SHISA9: variants seen among roughly 807,000 people sequenced by gnomAD.
SHISA9 encodes the protein shisa family member 9.
Under a neutral mutation model 38.0 loss-of-function variants are expected in SHISA9, and 13 were observed. That is an observed-to-expected ratio of 0.34 (90% CI 0.22 to 0.54). The LOEUF (loss-of-function observed/expected upper bound fraction) is 0.54, where lower values mean the gene tolerates loss of function less well. SHISA9 is among the 20% of genes least tolerant of loss of function. The pLI is 0.91. For synonymous variants in SHISA9, 275 were observed against 242.0 expected (o/e 1.14, Z -1.27); for missense variants, 538 against 575.8 (o/e 0.93, Z 0.67).
chr16:13,020,702 C>T (rs1413568991), intron 2 of SHISA9, among the ~76,000 whole-genome samples: 3 of 152,176 alleles, frequency 2.0e-5, no homozygotes, highest in Admixed American at 6.5e-5. Context: ...CTCGTCTCTG[C>T]GTATCCTTTG....
intron 1 of SHISA9, among the ~76,000 whole-genome samples, chr16:12,905,900 C>T (rs144296037): frequency 6.6e-6 from 1 of 152,174 alleles, no homozygotes; most frequent in Non-Finnish European, 1.5e-5. Context: ...TGTGCCTGAC[C>T]GTATTTGTAT....
At chr16:13,486,699 T>C in the SHISA9 span, among the ~76,000 whole-genome samples, 1 of 152,150 alleles carries the variant, frequency 6.6e-6, no homozygotes, top group Non-Finnish European at 1.5e-5. Context: ...TCTCTATACC[T>C]TCTTTCTCTT....
the SHISA9 span, among the ~76,000 whole-genome samples, chr16:13,431,644 T>C: frequency 6.6e-6 from 1 of 152,248 alleles, no homozygotes; most frequent in African/African-American, 2.4e-5. Flanking sequence ...TGGATTAATC[T>C]GAGAATCCAC....
the SHISA9 span, among the ~76,000 whole-genome samples, chr16:13,535,991 A>G: frequency 6.7e-6 from 1 of 149,484 alleles, no homozygotes; most frequent in Non-Finnish European, 1.5e-5. Context: ...GGGACTTTGC[A>G]TATTTTTTTC....
intron 2 of SHISA9, among the ~76,000 whole-genome samples, chr16:13,144,234 CCT>C (rs1258437678): frequency 6.6e-6 from 1 of 151,376 alleles, no homozygotes; most frequent in African/African-American, 2.4e-5. Context: ...CTCACTGCAA[CCT>C]CTGTCTCCTG....
chr16:13,477,057 A>T, the SHISA9 span, among the ~76,000 whole-genome samples: 1 of 151,796 alleles, frequency 6.6e-6, no homozygotes, highest in African/African-American at 2.4e-5. Flanking sequence ...TTTTCTTTTG[A>T]ACAATGTTCT....
At chr16:13,045,777 G>T (rs2073181146) in intron 2 of SHISA9, among the ~76,000 whole-genome samples, 2 of 151,970 alleles carry the variant, frequency 1.3e-5, no homozygotes, top group Non-Finnish European at 2.9e-5. Flanking sequence ...TCCCCCAGGG[G>T]GAGTCTGCAC....
intron 2 of SHISA9, among the ~76,000 whole-genome samples, chr16:13,134,444 T>C (rs2050330815): frequency 6.6e-6 from 1 of 151,882 alleles, no homozygotes; most frequent in Non-Finnish European, 1.5e-5. Context: ...CCCAGGCCAA[T>C]GGGGGAGAGA....
At chr16:13,371,815 A>G in the SHISA9 span, among the ~76,000 whole-genome samples, 2 of 152,150 alleles carry the variant, frequency 1.3e-5, no homozygotes, top group African/African-American at 4.8e-5. Flanking sequence ...CATTCAGGAA[A>G]ACTGTGACTC....
the SHISA9 span, among the ~76,000 whole-genome samples, chr16:13,442,985 C>G: frequency 6.6e-6 from 1 of 152,192 alleles, no homozygotes; most frequent in Non-Finnish European, 1.5e-5. Context: ...CTGTTTCCTA[C>G]TCTCCTTTAG....
rs190395118 is a variant in SHISA9 at position 13,181,730 on chromosome 16, C to A, written c.692-21664C>A. Among the ~76,000 whole-genome samples, 472 of 151,642 alleles carry A rather than the reference C, an allele frequency of 3.1e-3. 2 individuals carry two copies. The highest frequency in any genetic ancestry group is 5.3e-3 in the Non-Finnish European group (359 of 67,944). ...CTCAATAGGAGGTCCAGGTAGGAAA[C>A]AATGCTGGTTTCATCTAAAGAGGGG... On this transcript the variant is annotated intron_variant, in intron 2 of 4. Coordinates refer to ENST00000558583, the MANE Select transcript of SHISA9 (RefSeq NM_001145204.3).
intron 2 of SHISA9, among the ~76,000 whole-genome samples, chr16:13,185,457 G>C (rs1005911338): frequency 2.0e-5 from 3 of 152,124 alleles, no homozygotes; most frequent in Admixed American, 1.3e-4. Context: ...TCCCACCTCA[G>C]CCTCCCAAAG....
At chr16:13,123,158 T>C (rs1180247587) in intron 2 of SHISA9, among the ~76,000 whole-genome samples, 1 of 151,340 alleles carries the variant, frequency 6.6e-6, no homozygotes, top group Non-Finnish European at 1.5e-5. Flanking sequence ...GGATATCTAT[T>C]TGGGTCCAAA....
chr16:13,435,965 GT>G, the SHISA9 span, among the ~76,000 whole-genome samples: 11 of 152,292 alleles, frequency 7.2e-5, no homozygotes, highest in Non-Finnish European at 1.3e-4. Flanking sequence ...TAACTTGAGG[GT>G]GGAGTTTTGG....
intron 2 of SHISA9, among the ~76,000 whole-genome samples, chr16:12,945,587 G>T (rs143724964): frequency 6.6e-6 from 1 of 152,188 alleles, no homozygotes. Context: ...ACAAGAACAA[G>T]TTCTGGGTTC....
chr16:13,456,324 C>T, the SHISA9 span, among the ~76,000 whole-genome samples: 2 of 152,164 alleles, frequency 1.3e-5, no homozygotes, highest in Admixed American at 1.3e-4. Context: ...ACCACCTCTC[C>T]AACTCCCACC....
At chr16:13,193,152 C>T (rs988598386) in intron 2 of SHISA9, among the ~76,000 whole-genome samples, 3 of 152,118 alleles carry the variant, frequency 2.0e-5, no homozygotes, top group African/African-American at 7.2e-5. Flanking sequence ...CTGGGGGCAG[C>T]CTAGCTTGGT....
At chr16:13,556,644 C>T in the SHISA9 span, among the ~76,000 whole-genome samples, 1 of 151,986 alleles carries the variant, frequency 6.6e-6, no homozygotes, top group Non-Finnish European at 1.5e-5. Context: ...GCCTGGGCGA[C>T]AGAGTGAGAC....
At chr16:13,197,036 G>T (rs934565566) in intron 2 of SHISA9, among the ~76,000 whole-genome samples, 1 of 152,040 alleles carries the variant, frequency 6.6e-6, no homozygotes, top group African/African-American at 2.4e-5. Context: ...AGATTGCAGT[G>T]AGCTGAGATC....
Sources: gnomAD v4.1 joint callset for allele counts (sites outside exome capture counted in the v4.1 genomes callset) on GRCh38, gnomAD v4.1.1 for gene constraint, MANE v1.5 for transcripts, NCBI Gene and HGNC (gene_info 2026-07-23, HGNC 2026-07-21) for gene names.